ZNF610: variants seen among roughly 807,000 people sequenced by gnomAD.
The protein encoded by ZNF610 is zink finger protein.
In ZNF610, 14 loss-of-function variants were observed where a neutral mutation model predicts 14.1. The ratio of observed to expected loss-of-function variants is 0.99; its 90% confidence interval spans 0.65 to 1.55. The LOEUF is 1.55. Among genes scored for constraint, ZNF610 ranks in the 40% most tolerant of loss-of-function variants. ZNF610 has a pLI of 0.00. For missense variants in ZNF610, 530 were observed against 558.0 expected, an observed-to-expected ratio of 0.95 and a Z score of 0.51; for synonymous variants, 185 against 187.6, an observed-to-expected ratio of 0.99 and a Z score of 0.11.
chr19:52,332,424 T>G (rs1009681942), upstream of ZNF610, among the ~76,000 whole-genome samples: 1 of 152,218 alleles, frequency 6.6e-6, no homozygotes, highest in African/African-American at 2.4e-5. This position sits in a 1 kb window ranked among gnomAD's most constrained non-coding sequence, Gnocchi z 4.1. Flanking sequence ...TTTTTTCCAC[T>G]TGGAGTTCAG....
At chr19:52,345,607 G>A (rs1194268455) in intron 1 of ZNF610, 1 of 152,096 alleles carries the variant, frequency 6.6e-6, no homozygotes, top group African/African-American at 2.4e-5. Flanking sequence ...CACAGTGAAG[G>A]GTTTAGCAGA....
intron 5 of ZNF610, among the ~76,000 whole-genome samples, chr19:52,360,448 T>C (rs910631528): frequency 1.3e-5 from 2 of 152,236 alleles, no homozygotes; most frequent in African/African-American, 4.8e-5. Context: ...ATATTCTCAA[T>C]AGAAATAATG....
chr19:52,365,651 A>G (rs1163038855), intron 5 of ZNF610, 47 bp from the exon 6 acceptor site: 1 of 1,519,530 alleles, frequency 6.6e-7, no homozygotes, highest in Admixed American at 2.1e-5. Context: ...CAGACGGTAA[A>G]CATGCCAGAA....
chr19:52,352,232 G>C (rs1047656353), intron 3 of ZNF610, among the ~76,000 whole-genome samples: 1 of 151,748 alleles, frequency 6.6e-6, no homozygotes, highest in African/African-American at 2.4e-5. Flanking sequence ...AAGGAAACTT[G>C]TTTTCTTTTT....
intron 5 of ZNF610, among the ~76,000 whole-genome samples, chr19:52,358,417 C>G (rs945937085): frequency 6.6e-6 from 1 of 152,190 alleles, no homozygotes; most frequent in Admixed American, 6.5e-5. Flanking sequence ...CTCCTGACCT[C>G]GTGATCCACC....
upstream of ZNF610, among the ~76,000 whole-genome samples, chr19:52,336,067 T>C (rs573946013): frequency 6.6e-6 from 1 of 152,300 alleles, no homozygotes; most frequent in East Asian, 1.9e-4. Flanking sequence ...TTCCTGGATC[T>C]AATCCTCAAC....
chr19:52,341,155 A>G (rs1461720073), intron 1 of ZNF610, among the ~76,000 whole-genome samples: 1 of 152,120 alleles, frequency 6.6e-6, no homozygotes, highest in Non-Finnish European at 1.5e-5. Flanking sequence ...TGCTCTATTT[A>G]AGATCACAGT....
chr19:52,357,153 T>G lies in ZNF610; in HGVS notation c.319+2774T>G, dbSNP rs991227462. 3.5e-4 allele frequency among the ~76,000 whole-genome samples: 54 copies of G among 152,200 alleles called. 2 individuals are homozygous for G. Among genetic ancestry groups the G allele is most frequent in the Non-Finnish European group, 7.3e-4 (50 of 68,046 alleles). ...GCTCCCTCTTTGGGTTTGATTAATT[T>G]GCTAGAGTGGTTCACAGATCTCATG... On this transcript the variant is annotated intron_variant, in intron 5 of 5. Transcript: ENST00000403906.
intron 1 of ZNF610, among the ~76,000 whole-genome samples, chr19:52,337,788 C>T (rs2122162880): frequency 6.6e-6 from 1 of 152,288 alleles, no homozygotes; most frequent in South Asian, 2.1e-4. Flanking sequence ...GAAGATGAGA[C>T]TTGCAAAGTT....
intron 5 of ZNF610, among the ~76,000 whole-genome samples, chr19:52,356,221 T>C (rs1985517209): frequency 6.6e-6 from 1 of 152,216 alleles, no homozygotes; most frequent in Non-Finnish European, 1.5e-5. Context: ...ATCCACACTT[T>C]ACTGGTGTGT....
At position 52,343,262 on chromosome 19, in the gene ZNF610, CAT is replaced by C. The variant is rs1984774058; in HGVS notation, c.-257-4444_-257-4443del. Among the ~76,000 whole-genome samples the C allele has an allele frequency of 4.6e-5, 7 of 152,280 alleles. No individual in the cohort carries two copies. The South Asian group carries it at 1.5e-3, about 32-fold the overall frequency. On this transcript the variant is annotated intron_variant, in intron 1 of 5. Transcript: ENST00000403906. ...CATTTATAATACAAACAATAAATCA[CAT>C]GTTTACTTACATGCCTGTAATCCCA...
intron 5 of ZNF610, among the ~76,000 whole-genome samples, chr19:52,362,910 A>ACGTG (rs1173777693): frequency 6.6e-6 from 1 of 152,134 alleles, no homozygotes; most frequent in Non-Finnish European, 1.5e-5. Flanking sequence ...TACGTCTGTC[A>ACGTG]TATCTAATGA....
intron 1 of ZNF610, among the ~76,000 whole-genome samples, chr19:52,338,726 G>C (rs1182086981): frequency 1.3e-5 from 2 of 152,120 alleles, no homozygotes; most frequent in Non-Finnish European, 2.9e-5. Context: ...TTGAGACGGA[G>C]TTTCGGTCTT....
chr19:52,345,422 C>G (rs1293727125), intron 1 of ZNF610: 3 of 152,198 alleles, frequency 2.0e-5, no homozygotes, highest in African/African-American at 7.2e-5. Context: ...GAACCTAGAT[C>G]GTTGCCAGGC....
At chr19:52,339,575 C>T (rs1049258207) in intron 1 of ZNF610, among the ~76,000 whole-genome samples, 3 of 146,750 alleles carry the variant, frequency 2.0e-5, no homozygotes, top group South Asian at 2.1e-4. Flanking sequence ...CAACACAGCA[C>T]GTGTTTCTGC....
Position 52,366,253 on chromosome 19 carries a change from A to G in ZNF610, c.875A>G (p.Glu292Gly), listed in dbSNP as rs1986042301. 5 of 1,613,334 alleles carry G rather than the reference A, an allele frequency of 3.1e-6. No individual in the cohort carries two copies. The highest frequency in any genetic ancestry group is 4.2e-6 in the Non-Finnish European group (5 of 1,179,428). ...HTGEKPHKCN[E>G]CGKAFRECSG... is the part of the protein sequence containing the mutation. The stretch of plus-strand genomic sequence containing the variant: ...GGAGAGAAGCCTCACAAATGTAACG[A>G]ATGTGGCAAAGCTTTTAGAGAGTGT... Residue 292 changes from glutamate (E) to glycine (G), a missense_variant, in exon 6 of 6, where the codon GAA becomes GGA. Physicochemically the swap from Glu to Gly is moderately conservative, Grantham distance 98. Coordinates refer to ENST00000403906, the MANE Select transcript of ZNF610 (RefSeq NM_001161425.2).
At chr19:52,351,974 C>G (rs1429192829) in intron 3 of ZNF610, among the ~76,000 whole-genome samples, 2 of 152,178 alleles carry the variant, frequency 1.3e-5, no homozygotes, top group Non-Finnish European at 2.9e-5. Flanking sequence ...CAGGAACTTG[C>G]TAAGGACCTT....
Position 52,366,592 on chromosome 19 carries a change from G to T in ZNF610, c.1214G>T (p.Cys405Phe), listed in dbSNP as rs374593644. Residue 405 changes from cysteine (C) to phenylalanine (F), a missense_variant, in exon 6 of 6, where the codon TGT (cysteine) becomes TTT (phenylalanine). Transcript: ENST00000403906. ...GAGAAACCTTACAAATGTAATGAATGTGACAAAGTCTTTGGGCGCAAATTA... is the reference window on the plus strand; with the variant it reads ...GAGAAACCTTACAAATGTAATGAATTTGACAAAGTCTTTGGGCGCAAATTA... Reference protein sequence around the residue: ...TGEKPYKCNECDKVFGRKLYL... With the variant: ...TGEKPYKCNEFDKVFGRKLYL... The T allele has an allele frequency of 1.2e-6, 2 of 1,614,102 alleles. No individual in the cohort carries two copies. The highest frequency in any genetic ancestry group is 2.7e-5 in the African/African-American group (2 of 74,926).
intron 5 of ZNF610, among the ~76,000 whole-genome samples, chr19:52,363,059 G>A (rs1032368621): frequency 1.3e-5 from 2 of 151,676 alleles, no homozygotes; most frequent in Admixed American, 1.3e-4. Flanking sequence ...AAGCTCCCCT[G>A]TACAGAGACA....
Sources: gnomAD v4.1 joint callset for allele counts (sites outside exome capture counted in the v4.1 genomes callset) on GRCh38, gnomAD v4.1.1 for gene constraint, Gnocchi (gnomAD v3.1) non-coding constraint, MANE v1.5 for transcripts, NCBI Gene and HGNC (gene_info 2026-07-23, HGNC 2026-07-21) for gene names.